Variants in GOT1 observed in about 807,000 individuals in gnomAD.
The protein encoded by GOT1 is aspartate aminotransferase, cytoplasmic.
A neutral mutation model predicts 48.2 loss-of-function variants in GOT1; 25 were observed. That is an observed-to-expected ratio of 0.52 (90% confidence interval 0.38 to 0.72). The LOEUF is 0.72. GOT1 is among the 30% of genes least tolerant of loss of function. The pLI is 0.00. For missense variants in GOT1, 380 were observed against 520.1 expected (o/e 0.73, Z 2.62); for synonymous variants, 188 against 193.8 (o/e 0.97, Z 0.25).
At chr10:99,415,709 C>A (rs575629136) in intron 2 of GOT1, among the ~76,000 whole-genome samples, 3 of 152,150 alleles carry the variant, frequency 2.0e-5, no homozygotes, top group African/African-American at 7.2e-5. Flanking sequence ...TGCTGGCAAA[C>A]CAAATCCAGC....
chr10:99,403,643 A>C lies in GOT1; in HGVS notation c.794-9T>G, dbSNP rs2032715876. The C allele has an allele frequency of 6.2e-7, 1 of 1,613,948 alleles. No homozygotes were observed. Among genetic ancestry groups the C allele is most frequent in the African/African-American group, 1.3e-5 (1 of 74,916 alleles). On this transcript the variant is annotated splice_polypyrimidine_tract_variant and intron_variant, in intron 6 of 8. Transcript: ENST00000370508. ...ATTCCCGACTCTCTCATCTAAAGAGAGGGACCAGAATCAGCTGTGGCTGCT... is the reference window on the plus strand; with the variant it reads ...ATTCCCGACTCTCTCATCTAAAGAGCGGGACCAGAATCAGCTGTGGCTGCT...
At chr10:99,403,412 G>T in intron 7 of GOT1, 57 bp downstream of exon 7, 6 of 1,377,562 alleles carry the variant, frequency 4.4e-6, no homozygotes, top group Non-Finnish European at 6.1e-6. Context: ...AATGTACTGG[G>T]ACAATTACTG....
rs558613318 is a variant in GOT1, at chr10:99,400,895, T to G, written c.1102+1685A>C. 3.4e-3 allele frequency among the ~76,000 whole-genome samples: 522 copies of G among 152,168 alleles called. 5 individuals carry two copies. The highest frequency in any genetic ancestry group is 4.7e-3 in the Non-Finnish European group (317 of 68,004). ...GGTGGAGGTTGCAGTGAGCCAAGAT[T>G]GTGCCACTGCACTCCAGCCTGAGCA... On this transcript the variant is annotated intron_variant, in intron 8 of 8. Transcript: ENST00000370508.
At chr10:99,398,408 G>A (rs1440534526) in intron 8 of GOT1, among the ~76,000 whole-genome samples, 2 of 152,184 alleles carry the variant, frequency 1.3e-5, no homozygotes, top group African/African-American at 4.8e-5. Flanking sequence ...AGTGGTTCAC[G>A]CCTGTGATCC....
At chr10:99,428,678 A>T (rs555429937) in intron 1 of GOT1, among the ~76,000 whole-genome samples, 9 of 152,340 alleles carry the variant, frequency 5.9e-5, no homozygotes, top group Admixed American at 2.0e-4. Flanking sequence ...TTTTAAAAAG[A>T]TGTATTTAGA....
At chr10:99,400,619 A>T (rs1253970039) in intron 8 of GOT1, among the ~76,000 whole-genome samples, 1 of 151,204 alleles carries the variant, frequency 6.6e-6, no homozygotes, top group African/African-American at 2.4e-5. Context: ...CCTGGGTGAC[A>T]GAGCGAGACC....
At chr10:99,428,165 A>T (rs2033065208) in intron 1 of GOT1, among the ~76,000 whole-genome samples, 1 of 152,172 alleles carries the variant, frequency 6.6e-6, no homozygotes, top group South Asian at 2.1e-4. Context: ...TTTATTCAAT[A>T]TCTTTTATGA....
intron 1 of GOT1, among the ~76,000 whole-genome samples, chr10:99,429,620 A>T (rs1313557368): frequency 6.6e-6 from 1 of 152,204 alleles, no homozygotes; most frequent in East Asian, 1.9e-4. Flanking sequence ...TGATAGTGAG[A>T]AGAATAACAA....
chr10:99,416,431 C>G (rs377761064), intron 2 of GOT1, among the ~76,000 whole-genome samples: 2 of 151,876 alleles, frequency 1.3e-5, no homozygotes, highest in Non-Finnish European at 2.9e-5. Flanking sequence ...CACTGCTCAA[C>G]GAAATAAAAG....
chr10:99,409,723 A>G (rs1262059747), intron 2 of GOT1, among the ~76,000 whole-genome samples: 1 of 152,236 alleles, frequency 6.6e-6, no homozygotes, highest in African/African-American at 2.4e-5. Context: ...AACAGGTAAG[A>G]AAAGCTTGGC....
At chr10:99,425,081 G>A (rs539823190) in intron 1 of GOT1, among the ~76,000 whole-genome samples, 1 of 152,326 alleles carries the variant, frequency 6.6e-6, no homozygotes, top group African/African-American at 2.4e-5. Context: ...TGCCCTCCAA[G>A]AAACACAGAG....
chr10:99,425,675 C>T (rs963283229), intron 1 of GOT1, among the ~76,000 whole-genome samples: 21 of 152,122 alleles, frequency 1.4e-4, no homozygotes, highest in African/African-American at 5.1e-4. Flanking sequence ...GCTGTTGACT[C>T]CAAGGTCTCC....
intron 2 of GOT1, among the ~76,000 whole-genome samples, chr10:99,411,937 T>C (rs1007426005): frequency 6.6e-6 from 1 of 152,206 alleles, no homozygotes; most frequent in Admixed American, 6.5e-5. Flanking sequence ...TCCATTATAG[T>C]AAGAACAGTT....
chr10:99,413,994 T>C lies in GOT1; in HGVS notation c.300+6630A>G, dbSNP rs565766779. 4.2e-3 allele frequency among the ~76,000 whole-genome samples: 640 copies of C among 152,198 alleles called. 6 individuals carry two copies. Among genetic ancestry groups the C allele is most frequent in the Middle Eastern group, 0.014 (4 of 294 alleles). ...CCAGCCACTGCAAAAACATGCCAAA[T>C]TGTAAAGACCATCGAGGCTAGGAAG... On this transcript the variant is annotated intron_variant, in intron 2 of 8. Transcript: ENST00000370508.
At position 99,397,411 on chromosome 10, in the gene GOT1, C is replaced by G. The variant is rs1319872044; in HGVS notation, c.*136G>C. Reference sequence around the variant, plus strand: ...TCTCTTCATGTGGGGCCGGTTTAAACAGAGGCTGCCTCACCAGAGCAGCCT... The same window carrying G: ...TCTCTTCATGTGGGGCCGGTTTAAAGAGAGGCTGCCTCACCAGAGCAGCCT... On this transcript the variant is annotated 3_prime_UTR_variant, in exon 9 of 9. Coordinates refer to ENST00000370508, the MANE Select transcript of GOT1 (RefSeq NM_002079.3). This position sits in a 1 kb window ranked among gnomAD's most constrained non-coding sequence, Gnocchi z 5.4. 7.7e-6 allele frequency: 7 copies of G among 905,236 alleles called. No homozygotes were observed. The highest frequency in any genetic ancestry group is 4.0e-5 in the Admixed American group (2 of 50,268). 56.1% of individuals were successfully genotyped at this position (905,236 alleles called of 1,614,324 possible). A position where few individuals can be genotyped will look rare whatever the true frequency, so the allele number is the denominator to read the frequency against.
At chr10:99,419,806 A>G (rs187955322) in intron 2 of GOT1, among the ~76,000 whole-genome samples, 143 of 152,284 alleles carry the variant, frequency 9.4e-4, no homozygotes, top group African/African-American at 3.4e-3. Flanking sequence ...CACATTCTCT[A>G]AGATTCAGCT....
intron 2 of GOT1, among the ~76,000 whole-genome samples, chr10:99,408,538 G>A (rs1028167887): frequency 1.1e-4 from 16 of 152,172 alleles, no homozygotes; most frequent in Non-Finnish European, 2.2e-4. Context: ...CCAACATGGT[G>A]AAACCCTGTC....
chr10:99,407,334 C>G (rs1184986984), intron 2 of GOT1, among the ~76,000 whole-genome samples: 1 of 152,204 alleles, frequency 6.6e-6, no homozygotes, highest in Non-Finnish European at 1.5e-5. Flanking sequence ...TGTGCTACTC[C>G]TCATCTCTAG....
chr10:99,427,001 C>T (rs959607439), intron 1 of GOT1, among the ~76,000 whole-genome samples: 1 of 152,058 alleles, frequency 6.6e-6, no homozygotes, highest in African/African-American at 2.4e-5. Flanking sequence ...GGACATATAA[C>T]GGCTGGAAGG....
Sources: allele counts gnomAD v4.1 joint callset (sites outside exome capture counted in the v4.1 genomes callset), GRCh38; gene constraint gnomAD v4.1.1; non-coding constraint Gnocchi (gnomAD v3.1); transcripts MANE v1.5; gene names NCBI Gene and HGNC (gene_info 2026-07-23, HGNC 2026-07-21).